Variants in PCDHA5 observed in about 807,000 individuals in gnomAD.
The protein encoded by PCDHA5 is protocadherin alpha-5.
A neutral mutation model predicts 61.6 loss-of-function variants in PCDHA5; 43 were observed. The ratio of observed to expected loss-of-function variants is 0.70; its 90% CI spans 0.55 to 0.90. The LOEUF (loss-of-function observed/expected upper bound fraction) is 0.90, where lower values mean the gene tolerates loss of function less well. PCDHA5 is among the 40% of genes least tolerant of loss of function. The pLI is 0.00. For synonymous variants in PCDHA5, 627 were observed against 543.9 expected, an observed-to-expected ratio of 1.15 and a Z score of -2.13; for missense variants, 1,298 against 1,222.7, an observed-to-expected ratio of 1.06 and a Z score of -0.92.
At chr5:140,907,021 C>A (rs950958374) in intron 1 of PCDHA5, among the ~76,000 whole-genome samples, 1 of 152,168 alleles carries the variant, frequency 6.6e-6, no homozygotes, top group Non-Finnish European at 1.5e-5. Flanking sequence ...TCTAGGCCAG[C>A]AGAACATAAT....
chr5:140,849,170 C>A lies in PCDHA5; in HGVS notation c.2352+25043C>A, dbSNP rs2150431916. 4.4e-5 allele frequency: 49 copies of A among 1,111,512 alleles called. No homozygotes were observed. The African/African-American group carries it at 7.8e-4, about 18-fold the overall frequency. 68.9% of individuals were successfully genotyped at this position (1,111,512 alleles called of 1,614,324 possible). ...GAGGCAAACCCGAGCTGACTGGCAC[C>A]GTTCAATTACTCATCACGGTACTGG... On this transcript the variant is annotated intron_variant, in intron 1 of 3. Transcript: ENST00000529859.
intron 1 of PCDHA5, among the ~76,000 whole-genome samples, chr5:140,943,845 C>T (rs59104695): frequency 0.056 from 8,479 of 152,194 alleles, 700 homozygotes; most frequent in African/African-American, 0.18. Flanking sequence ...TGTAAGATGT[C>T]ACAGAAGTCA....
At chr5:140,882,702 C>T (rs2059269414) in intron 1 of PCDHA5, 1 of 1,614,098 alleles carries the variant, frequency 6.2e-7, no homozygotes, top group African/African-American at 1.3e-5. Flanking sequence ...ATTGCAGAAT[C>T]TAGACCTCCG....
intron 1 of PCDHA5, among the ~76,000 whole-genome samples, chr5:140,950,807 A>G (rs2094520743): frequency 6.6e-6 from 1 of 152,104 alleles, no homozygotes; most frequent in African/African-American, 2.4e-5. Context: ...TGGTTTTACC[A>G]TAGTAGGGTT....
At chr5:140,824,894 T>C (rs1768384887) in intron 1 of PCDHA5, 1 of 152,172 alleles carries the variant, frequency 6.6e-6, no homozygotes, top group Non-Finnish European at 1.5e-5. Context: ...ATTTCAACTT[T>C]GCCTAAGCAG....
Position 140,979,001 on chromosome 5 carries a change from T to C in PCDHA5, c.2405T>C (p.Met802Thr). ...WRYSASLRAG[M>T]HSSVHLEEAG... Reference sequence around the variant, plus strand: ...TACTCTGCCTCCCTGAGAGCAGGCATGCACAGGTATGTATTTCCCTCCTCA... The same window carrying C: ...TACTCTGCCTCCCTGAGAGCAGGCACGCACAGGTATGTATTTCCCTCCTCA... Residue 802 changes from methionine (M) to threonine (T), a missense_variant, in exon 2 of 4, where the codon ATG becomes ACG. By Grantham distance (81) the Met-to-Thr change is moderately conservative (BLOSUM62 -1). Transcript: ENST00000529859. 6.2e-7 allele frequency: 1 copy of C among 1,614,148 alleles called. No individual in the cohort carries two copies. Among genetic ancestry groups the C allele is most frequent in the Non-Finnish European group, 8.5e-7 (1 of 1,180,016 alleles).
intron 1 of PCDHA5, chr5:140,969,314 G>T (rs200006206): frequency 6.2e-7 from 1 of 1,614,150 alleles, no homozygotes; most frequent in African/African-American, 1.3e-5. Context: ...CAAAAATGAG[G>T]CTGTTTCTCA....
chr5:140,898,579 T>A (rs1471026172), intron 1 of PCDHA5, among the ~76,000 whole-genome samples: 1 of 152,222 alleles, frequency 6.6e-6, no homozygotes, highest in African/African-American at 2.4e-5. Flanking sequence ...GCCATGCTGT[T>A]TTGGTTACTG....
rs2150345601 is a variant in PCDHA5 at position 140,842,829 on chromosome 5, C to G, written c.2352+18702C>G. Reference sequence around the variant, plus strand: ...GTGGAGCGGCGGGTGGGCGAGCGCTCGCTGTCGAGCTACATTTCGGTGCAC... The same window carrying G: ...GTGGAGCGGCGGGTGGGCGAGCGCTGGCTGTCGAGCTACATTTCGGTGCAC... On this transcript the variant is annotated intron_variant, in intron 1 of 3. Coordinates refer to ENST00000529859, the MANE Select transcript of PCDHA5 (RefSeq NM_018908.3). The G allele has an allele frequency of 8.8e-6, 14 of 1,593,636 alleles. 2 individuals are homozygous for G. The highest frequency in any genetic ancestry group is 1.1e-5 in the South Asian group (1 of 90,422).
chr5:140,875,151 A>G (rs1219163731), intron 1 of PCDHA5, among the ~76,000 whole-genome samples: 1 of 152,220 alleles, frequency 6.6e-6, no homozygotes, highest in Non-Finnish European at 1.5e-5. Flanking sequence ...ATGATCCGTG[A>G]AAAATAACCC....
intron 3 of PCDHA5, among the ~76,000 whole-genome samples, chr5:141,000,764 A>G (rs1371396511): frequency 2.0e-5 from 3 of 151,808 alleles, no homozygotes; most frequent in Non-Finnish European, 4.4e-5. Context: ...AATCTTAGCC[A>G]GGCATAGTGG....
At chr5:140,863,532 T>G (rs1554158313) in intron 1 of PCDHA5, 1 of 390,936 alleles carries the variant, frequency 2.6e-6, no homozygotes, top group Non-Finnish European at 5.0e-6. Context: ...GTTCAGATTT[T>G]GGAGATGGAC....
intron 1 of PCDHA5, chr5:140,883,838 GA>G: frequency 6.2e-7 from 1 of 1,612,738 alleles, no homozygotes; most frequent in Non-Finnish European, 8.5e-7. Context: ...GCAGCCGTTG[GA>G]CCACGAGGAG....
intron 1 of PCDHA5, among the ~76,000 whole-genome samples, chr5:140,886,698 C>A (rs578140955): frequency 2.0e-5 from 3 of 151,820 alleles, no homozygotes; most frequent in Non-Finnish European, 4.4e-5. Flanking sequence ...TGGTGGCACG[C>A]GCCTGTAATC....
chr5:140,963,927 T>C (rs1439271741), intron 1 of PCDHA5, among the ~76,000 whole-genome samples: 1 of 152,220 alleles, frequency 6.6e-6, no homozygotes, highest in East Asian at 1.9e-4. Context: ...AAGTAACATG[T>C]CCATAGCCAA....
chr5:140,961,793 A>G (rs1554225592), intron 1 of PCDHA5, among the ~76,000 whole-genome samples: 2 of 152,166 alleles, frequency 1.3e-5, no homozygotes, highest in Admixed American at 1.3e-4. Flanking sequence ...TTTTTAAAAG[A>G]TAGGAAATTG....
At chr5:140,967,354 C>T in intron 1 of PCDHA5, 1 of 1,607,952 alleles carries the variant, frequency 6.2e-7, no homozygotes, top group South Asian at 1.1e-5. Flanking sequence ...TCGAGCTGGA[C>T]CTTAAGCCCC....
chr5:140,999,480 A>G, intron 3 of PCDHA5, among the ~76,000 whole-genome samples: 1 of 152,176 alleles, frequency 6.6e-6, no homozygotes, highest in East Asian at 1.9e-4. Flanking sequence ...ATTCCAACTC[A>G]AGTCTATGTT....
At chr5:141,001,276 T>C (rs2098003991) in intron 3 of PCDHA5, among the ~76,000 whole-genome samples, 1 of 152,210 alleles carries the variant, frequency 6.6e-6, no homozygotes. Context: ...GAACTTTTTT[T>C]ACGGATGAAA....
Sources: allele counts gnomAD v4.1 joint callset (sites outside exome capture counted in the v4.1 genomes callset), GRCh38; gene constraint gnomAD v4.1.1; transcripts MANE v1.5; gene names NCBI Gene and HGNC (gene_info 2026-07-23, HGNC 2026-07-21).